RALGPS2: variants seen among roughly 807,000 people sequenced by gnomAD.
The protein encoded by RALGPS2 is ras-specific guanine nucleotide-releasing factor RalGPS2.
A neutral mutation model predicts 86.8 loss-of-function variants in RALGPS2; 43 were observed. That is an observed-to-expected ratio of 0.50 (90% confidence interval 0.39 to 0.64). The LOEUF (loss-of-function observed/expected upper bound fraction) is 0.64, where lower values mean the gene tolerates loss of function less well. Ranked by LOEUF, RALGPS2 falls within the 30% of genes least tolerant of loss-of-function variation. The pLI is 0.00. For missense variants in RALGPS2, 536 were observed against 694.6 expected, an observed-to-expected ratio of 0.77 and a Z score of 2.57; for synonymous variants, 243 against 231.3, an observed-to-expected ratio of 1.05 and a Z score of -0.46.
At chr1:178,815,863 G>A (rs1655200945) in intron 6 of RALGPS2, among the ~76,000 whole-genome samples, 1 of 152,184 alleles carries the variant, frequency 6.6e-6, no homozygotes, top group Non-Finnish European at 1.5e-5. Flanking sequence ...TATTACTTGT[G>A]GTTGACTACT....
chr1:178,788,497 A>G (rs576919147), intron 4 of RALGPS2, among the ~76,000 whole-genome samples: 1 of 152,302 alleles, frequency 6.6e-6, no homozygotes, highest in South Asian at 2.1e-4. Flanking sequence ...TAGGATGATC[A>G]GGAAGACCTT....
Position 178,776,663 on chromosome 1 carries a change from C to CTTT in RALGPS2, c.-83-7_-83-5dup. The CTTT allele has an allele frequency of 3.5e-5, 22 of 628,138 alleles. No individual in the cohort carries two copies. The highest frequency in any genetic ancestry group is 8.9e-5 in the South Asian group (3 of 33,666). The allele number at this position is 628,138 out of a possible 1,614,324, so 38.9% of individuals were successfully genotyped here. A position where few individuals can be genotyped will look rare whatever the true frequency, so the allele number is the denominator to read the frequency against. ...AACTTCGAGGAAGACATTTGCTTAACTTTTTTTTTTTTTTACAGGAATAAT... is the reference window on the plus strand; with the variant it reads ...AACTTCGAGGAAGACATTTGCTTAACTTTTTTTTTTTTTTTTTACAGGAATAAT... On this transcript the variant is annotated intron_variant, in intron 1 of 19. Coordinates refer to ENST00000367635, the MANE Select transcript of RALGPS2 (RefSeq NM_152663.5).
intron 6 of RALGPS2, among the ~76,000 whole-genome samples, chr1:178,812,074 G>C (rs2102203777): frequency 6.6e-6 from 1 of 152,224 alleles, no homozygotes; most frequent in Middle Eastern, 3.4e-3. Context: ...CAAAAGACAA[G>C]TTAATGAGAG....
chr1:178,804,208 C>T (rs1222069919), intron 4 of RALGPS2, among the ~76,000 whole-genome samples: 2 of 149,492 alleles, frequency 1.3e-5, no homozygotes, highest in Non-Finnish European at 3.0e-5. Context: ...TTTCCAACCT[C>T]GATCCTGGAG....
At chr1:178,754,495 C>T (rs1430662776) in intron 1 of RALGPS2, among the ~76,000 whole-genome samples, 2 of 152,126 alleles carry the variant, frequency 1.3e-5, no homozygotes, top group Non-Finnish European at 2.9e-5. Flanking sequence ...AGTCTTGAGT[C>T]CAAAGGGAGG....
intron 16 of RALGPS2, among the ~76,000 whole-genome samples, chr1:178,896,042 A>G (rs965190148): frequency 3.9e-5 from 6 of 152,028 alleles, no homozygotes; most frequent in African/African-American, 1.4e-4. Context: ...CCCACAAAGA[A>G]GAGTATAAAG....
At chr1:178,744,836 A>AAAAAAAAAG (rs560088879) in intron 1 of RALGPS2, among the ~76,000 whole-genome samples, 1 of 151,382 alleles carries the variant, frequency 6.6e-6, no homozygotes, top group African/African-American at 2.4e-5. Flanking sequence ...AAAAAAAAAA[A>AAAAAAAAAG]AGAAAGGAAA....
At position 178,921,245 on chromosome 1, in the gene RALGPS2, AATT is replaced by A. The variant is rs1647288940; in HGVS notation, c.*4888_*4890del. ...TGATTATGGGATTAAAAGAATACAT[AATT>A]ACAGTGTTTTGGGATTGGGCTCTTT... On this transcript the variant is annotated 3_prime_UTR_variant, in exon 20 of 20. Transcript: ENST00000367635. 1 of 152,018 alleles carries A rather than the reference AATT, an allele frequency of 6.6e-6. No homozygotes were observed. The highest frequency in any genetic ancestry group is 1.9e-4 in the East Asian group (1 of 5,202). The allele number at this position is 152,018 out of a possible 1,614,324, so 9.4% of individuals were successfully genotyped here. A position where few individuals can be genotyped will look rare whatever the true frequency, so the allele number is the denominator to read the frequency against.
At chr1:178,731,279 T>TG (rs1650337875) in intron 1 of RALGPS2, among the ~76,000 whole-genome samples, 1 of 109,730 alleles carries the variant, frequency 9.1e-6, no homozygotes, top group South Asian at 3.4e-4. Flanking sequence ...TTGGTTTTTT[T>TG]TTTTTTTTTT....
intron 17 of RALGPS2, 44 bp downstream of exon 17, chr1:178,897,800 G>T: frequency 6.5e-7 from 1 of 1,535,922 alleles, no homozygotes; most frequent in South Asian, 1.1e-5. Flanking sequence ...TTCCCAGACT[G>T]TTCATGGTTA....
intron 8 of RALGPS2, among the ~76,000 whole-genome samples, chr1:178,868,135 A>G (rs1658534592): frequency 1.3e-5 from 2 of 151,918 alleles, no homozygotes; most frequent in Admixed American, 1.3e-4. Flanking sequence ...ATGTTTTCAT[A>G]CCTTGCTTTC....
intron 1 of RALGPS2, among the ~76,000 whole-genome samples, chr1:178,732,359 C>T (rs1045353187): frequency 9.2e-5 from 14 of 152,082 alleles, no homozygotes; most frequent in African/African-American, 2.4e-4. Flanking sequence ...AGTGCAGTGG[C>T]GCGATCTCGG....
At chr1:178,826,471 C>G (rs1454393707) in intron 7 of RALGPS2, among the ~76,000 whole-genome samples, 2 of 152,040 alleles carry the variant, frequency 1.3e-5, no homozygotes, top group Non-Finnish European at 2.9e-5. Context: ...CTGTATAATT[C>G]CTATAATTCC....
intron 6 of RALGPS2, among the ~76,000 whole-genome samples, chr1:178,818,248 T>C (rs1040070649): frequency 6.6e-6 from 1 of 152,150 alleles, no homozygotes; most frequent in Non-Finnish European, 1.5e-5. Context: ...TAGTCCCAGC[T>C]ACTCGGGAGG....
intron 4 of RALGPS2, among the ~76,000 whole-genome samples, chr1:178,789,289 A>G (rs930269675): frequency 6.6e-6 from 1 of 152,214 alleles, no homozygotes; most frequent in African/African-American, 2.4e-5. Context: ...GACTGAATCA[A>G]GGAGACCACG....
At chr1:178,805,191 T>G (rs1654682616) in intron 4 of RALGPS2, among the ~76,000 whole-genome samples, 1 of 148,842 alleles carries the variant, frequency 6.7e-6, no homozygotes. Context: ...CTTTGTCAGA[T>G]GAGTAGGTTG....
At position 178,772,036 on chromosome 1, in the gene RALGPS2, T is replaced by C. The variant is rs548011370; in HGVS notation, c.-83-4646T>C. On this transcript the variant is annotated intron_variant, in intron 1 of 19. Coordinates refer to ENST00000367635, the MANE Select transcript of RALGPS2 (RefSeq NM_152663.5). ...AACCCAGGAGCCTCCAAGCATGGAA[T>C]CTTGATGTCTGTCTTATCCCATCAG... Among the ~76,000 whole-genome samples the C allele has an allele frequency of 5.9e-5, 9 of 152,300 alleles. No individual in the cohort carries two copies. The East Asian group carries it at 1.7e-3, about 29-fold the overall frequency.
intron 8 of RALGPS2, among the ~76,000 whole-genome samples, chr1:178,856,669 C>T (rs191555660): frequency 5.9e-5 from 9 of 151,872 alleles, no homozygotes; most frequent in African/African-American, 1.9e-4. Flanking sequence ...TAGTCATCAT[C>T]GGTAATTGTT....
chr1:178,759,263 G>A (rs78539072), intron 1 of RALGPS2, among the ~76,000 whole-genome samples: 139 of 152,140 alleles, frequency 9.1e-4, no homozygotes, highest in Non-Finnish European at 1.6e-3. Flanking sequence ...TGAGAGTTAG[G>A]GGTCTAGTTC....
Sources: gnomAD v4.1 joint callset for allele counts (sites outside exome capture counted in the v4.1 genomes callset) on GRCh38, gnomAD v4.1.1 for gene constraint, MANE v1.5 for transcripts, NCBI Gene and HGNC (gene_info 2026-07-23, HGNC 2026-07-21) for gene names.